Variants in FTO observed in about 807,000 individuals in gnomAD.
FTO encodes the protein alpha-ketoglutarate-dependent dioxygenase FTO.
In FTO, 47 loss-of-function variants were observed where a neutral mutation model predicts 63.9. The ratio of observed to expected loss-of-function variants is 0.74; its 90% CI spans 0.58 to 0.94. The LOEUF (loss-of-function observed/expected upper bound fraction) is 0.94. Ranked by LOEUF, FTO falls within the 40% of genes least tolerant of loss-of-function variation. The pLI is 0.00. For synonymous variants in FTO, 207 were observed against 224.4 expected, an observed-to-expected ratio of 0.92 and a Z score of 0.69; for missense variants, 562 against 618.1, an observed-to-expected ratio of 0.91 and a Z score of 0.96.
At chr16:53,922,554 A>G (rs1418335888) in intron 7 of FTO, among the ~76,000 whole-genome samples, 1 of 152,248 alleles carries the variant, frequency 6.6e-6, no homozygotes, top group Non-Finnish European at 1.5e-5. Flanking sequence ...CGACAAAGGA[A>G]ACTACTGATG....
chr16:53,949,793 C>T (rs1254749840), intron 8 of FTO, among the ~76,000 whole-genome samples: 1 of 151,712 alleles, frequency 6.6e-6, no homozygotes, highest in Non-Finnish European at 1.5e-5. Flanking sequence ...TAACCCAATG[C>T]CTTGGCAGCC....
intron 8 of FTO, among the ~76,000 whole-genome samples, chr16:53,977,603 T>C (rs1033023194): frequency 1.3e-5 from 2 of 152,178 alleles, no homozygotes; most frequent in Non-Finnish European, 2.9e-5. Flanking sequence ...TTTCTGTTTA[T>C]AGCTTTCCTT....
chr16:54,053,281 G>C (rs542501483), intron 8 of FTO, among the ~76,000 whole-genome samples: 2 of 152,276 alleles, frequency 1.3e-5, no homozygotes, highest in East Asian at 3.9e-4. Context: ...GCTAGCGCCT[G>C]TTTTCAGCCT....
At chr16:53,714,603 C>T (rs887020068) in intron 1 of FTO, among the ~76,000 whole-genome samples, 1 of 152,128 alleles carries the variant, frequency 6.6e-6, no homozygotes, top group Non-Finnish European at 1.5e-5. Context: ...GGACTCTAGC[C>T]TGTTGTCATG....
At chr16:53,839,126 G>A (rs1446912712) in intron 3 of FTO, among the ~76,000 whole-genome samples, 1 of 152,146 alleles carries the variant, frequency 6.6e-6, no homozygotes, top group Non-Finnish European at 1.5e-5. Flanking sequence ...CATTGAATGG[G>A]TTAATTTTGG....
At position 53,928,488 on chromosome 16, in the gene FTO, T is replaced by G. The variant is rs1166949985; in HGVS notation, c.1240-5497T>G. 7.2e-5 allele frequency among the ~76,000 whole-genome samples: 11 copies of G among 152,340 alleles called. No individual in the cohort carries two copies. In the East Asian group the frequency reaches 2.1e-3, roughly 29 times the overall value. On this transcript the variant is annotated intron_variant, in intron 7 of 8. Coordinates refer to ENST00000471389, the MANE Select transcript of FTO (RefSeq NM_001080432.3). Reference sequence around the variant, plus strand: ...TATTATAAGGAGTAAAAATATCACATTAATTGCCCTGTAAAAAGAATGCTC... The same window carrying G: ...TATTATAAGGAGTAAAAATATCACAGTAATTGCCCTGTAAAAAGAATGCTC...
chr16:54,088,212 A>C (rs1418079525), intron 8 of FTO, among the ~76,000 whole-genome samples: 7 of 152,224 alleles, frequency 4.6e-5, no homozygotes, highest in African/African-American at 1.2e-4. Flanking sequence ...TGTTTTACAT[A>C]AGTGGTTATT....
chr16:53,750,290 T>G (rs1280791311), intron 1 of FTO, among the ~76,000 whole-genome samples: 1 of 151,892 alleles, frequency 6.6e-6, no homozygotes, highest in Admixed American at 6.6e-5. Context: ...CAGGCTGGAG[T>G]GCAGTGGTGC....
chr16:53,774,230 C>T (rs1167756821), intron 1 of FTO, among the ~76,000 whole-genome samples: 1 of 152,164 alleles, frequency 6.6e-6, no homozygotes, highest in African/African-American at 2.4e-5. Context: ...CTTTGATTCT[C>T]TCATTTCTTA....
intron 3 of FTO, among the ~76,000 whole-genome samples, chr16:53,834,659 A>G (rs2079241509): frequency 6.6e-6 from 1 of 152,204 alleles, no homozygotes; most frequent in African/African-American, 2.4e-5. Flanking sequence ...ATTCATTCAT[A>G]TCATTTTTAC....
At chr16:53,985,575 G>A (rs1315942027) in intron 8 of FTO, among the ~76,000 whole-genome samples, 1 of 152,162 alleles carries the variant, frequency 6.6e-6, no homozygotes, top group Non-Finnish European at 1.5e-5. Flanking sequence ...ATAAACAAAG[G>A]CAGCATGCAC....
intron 8 of FTO, among the ~76,000 whole-genome samples, chr16:54,015,017 G>A (rs2084406982): frequency 8.0e-6 from 1 of 124,464 alleles, no homozygotes; most frequent in African/African-American, 3.9e-5. Flanking sequence ...CACTGCACCT[G>A]GCTAATTAAA....
intron 6 of FTO, among the ~76,000 whole-genome samples, chr16:53,888,402 A>AAAAATAAAAATAAATTGGCCAATTTATTT (rs1211671990): frequency 4.9e-3 from 397 of 81,424 alleles, no homozygotes; most frequent in East Asian, 0.018. Context: ...CCAATTTATT[A>AAAAATAAAAATAAATTGGCCAATTTATTT]TTAAAAATAA....
Position 53,744,210 on chromosome 16 carries a change from C to T in FTO, c.45+39981C>T, listed in dbSNP as rs564276441. On this transcript the variant is annotated intron_variant, in intron 1 of 8. Transcript: ENST00000471389. ...GCATTTGACAGCTTAGGTTCAGACTCGGAGCTCATAGAATGGAACATTCTT... is the reference window on the plus strand; with the variant it reads ...GCATTTGACAGCTTAGGTTCAGACTTGGAGCTCATAGAATGGAACATTCTT... Among the ~76,000 whole-genome samples the T allele has an allele frequency of 3.9e-5, 6 of 152,206 alleles. No individual in the cohort carries two copies. The East Asian group carries it at 7.7e-4, about 20-fold the overall frequency.
At chr16:53,801,768 T>C (rs1441933672) in intron 1 of FTO, among the ~76,000 whole-genome samples, 1 of 152,104 alleles carries the variant, frequency 6.6e-6, no homozygotes, top group Non-Finnish European at 1.5e-5. Flanking sequence ...ATTCTTTTTT[T>C]TCTTTTTTTG....
chr16:54,032,225 G>A (rs762847017), intron 8 of FTO, among the ~76,000 whole-genome samples: 3 of 152,190 alleles, frequency 2.0e-5, no homozygotes, highest in Non-Finnish European at 4.4e-5. Flanking sequence ...ATCTGACAGA[G>A]CAGTTATAAT....
At chr16:53,974,613 T>G (rs2143761854) in intron 8 of FTO, among the ~76,000 whole-genome samples, 1 of 152,310 alleles carries the variant, frequency 6.6e-6, no homozygotes, top group East Asian at 1.9e-4. Context: ...CAATAGCATA[T>G]AACGAAATGA....
intron 8 of FTO, among the ~76,000 whole-genome samples, chr16:53,988,326 G>A (rs1215675472): frequency 1.3e-5 from 2 of 152,140 alleles, no homozygotes; most frequent in Non-Finnish European, 1.5e-5. Context: ...GAAATTGATT[G>A]TTCAGTGCCA....
Position 54,087,175 on chromosome 16 carries a change from C to T in FTO, c.1365-24587C>T, listed in dbSNP as rs186350966. Among the ~76,000 whole-genome samples, 3 of 152,320 alleles carry T rather than the reference C, an allele frequency of 2.0e-5. No homozygotes were observed. The East Asian group carries it at 5.8e-4, about 29-fold the overall frequency. ...AGTGGACAAGAAAAGTTGGTTGGTA[C>T]AGTTACTTAGAAAACAAGCGTGAAC... On this transcript the variant is annotated intron_variant, in intron 8 of 8. Transcript: ENST00000471389.
Sources: gnomAD v4.1 joint callset for allele counts (sites outside exome capture counted in the v4.1 genomes callset) on GRCh38, gnomAD v4.1.1 for gene constraint, MANE v1.5 for transcripts, NCBI Gene and HGNC (gene_info 2026-07-23, HGNC 2026-07-21) for gene names.